Variants in CDH22 observed in about 807,000 individuals in gnomAD.
CDH22 encodes cadherin-22.
In CDH22, 30 loss-of-function variants were observed where a neutral mutation model predicts 58.4. The observed-to-expected ratio is 0.51, with a 90% CI of 0.38 to 0.70. CDH22 has a LOEUF of 0.70. CDH22 is among the 30% of genes least tolerant of loss of function. The pLI is 0.00. For missense variants in CDH22, 1,014 were observed against 1,233.9 expected (o/e 0.82, Z 2.67); for synonymous variants, 513 against 558.2 (o/e 0.92, Z 1.14).
chr20:46,185,434 T>C (rs1228383437), intron 10 of CDH22, among the ~76,000 whole-genome samples: 2 of 152,024 alleles, frequency 1.3e-5, no homozygotes, highest in Non-Finnish European at 2.9e-5. Flanking sequence ...TGGGGTTGGG[T>C]TGAATCCTAC....
intron 11 of CDH22, among the ~76,000 whole-genome samples, chr20:46,175,616 C>T (rs934040909): frequency 4.6e-5 from 7 of 152,344 alleles, no homozygotes; most frequent in Non-Finnish European, 1.0e-4. Context: ...GGCCAGGTTC[C>T]ATGCCTTCCC....
Position 46,247,425 on chromosome 20 carries a change from A to G in CDH22, c.255+3615T>C, listed in dbSNP as rs548161182. On this transcript the variant is annotated intron_variant, in intron 2 of 11. Coordinates refer to ENST00000537909, the MANE Select transcript of CDH22 (RefSeq NM_021248.3). ...AACCCAGGATCAAAAACATTCAGAA[A>G]CAAAATTGGGTCTGTACTGAATGTG... 4.0e-4 allele frequency among the ~76,000 whole-genome samples: 61 copies of G among 152,272 alleles called. 1 individual carries two copies. Among genetic ancestry groups the G allele is most frequent in the African/African-American group, 1.4e-3 (60 of 41,546 alleles).
At chr20:46,220,318 C>G (rs1193872005) in intron 4 of CDH22, 1 of 140,820 alleles carries the variant, frequency 7.1e-6, no homozygotes, top group East Asian at 2.1e-4. Flanking sequence ...GAAAAATGGG[C>G]AAAGAACAAC....
At chr20:46,220,600 G>A (rs150603995) in intron 4 of CDH22, 17 of 152,532 alleles carry the variant, frequency 1.1e-4, no homozygotes, top group African/African-American at 3.6e-4. Context: ...GTGTATCTAT[G>A]GGCTTGGGCA....
chr20:46,193,557 T>C (rs1479770421), intron 8 of CDH22, among the ~76,000 whole-genome samples: 2 of 152,146 alleles, frequency 1.3e-5, no homozygotes, highest in African/African-American at 4.8e-5. Context: ...CAAAGACCTG[T>C]GCTGGCTCCC....
At chr20:46,175,280 A>T (rs2085730439) in intron 11 of CDH22, among the ~76,000 whole-genome samples, 1 of 152,078 alleles carries the variant, frequency 6.6e-6, no homozygotes, top group Non-Finnish European at 1.5e-5. Flanking sequence ...TGAGCTACCC[A>T]TCTCGGGAGG....
At chr20:46,254,199 T>C (rs56305126) in intron 1 of CDH22, among the ~76,000 whole-genome samples, 4,514 of 152,286 alleles carry the variant, frequency 0.03, 98 homozygotes, top group Middle Eastern at 0.065. Context: ...TTTCCACAAA[T>C]GTTTACCAGC....
At position 46,174,664 on chromosome 20, in the gene CDH22, C is replaced by G; in HGVS notation, c.2329G>C (p.Gly777Arg). 1 of 1,558,232 alleles carries G rather than the reference C, an allele frequency of 6.4e-7. No homozygotes were observed. The highest frequency in any genetic ancestry group is 8.6e-7 in the Non-Finnish European group (1 of 1,158,994). The change falls in exon 12 of 12, where the codon GGC becomes CGC. Residue 777 changes from glycine (G) to arginine (R), a missense_variant. This residue lies in a region of CDH22 where 208 missense variants were observed against 195.2 expected (regional missense o/e 1.07). Coordinates refer to ENST00000537909, the MANE Select transcript of CDH22 (RefSeq NM_021248.3). This position sits in a 1 kb window ranked among gnomAD's most constrained non-coding sequence, Gnocchi z 4.4. ...AGCGAGGCGGCCGGCGAGTCCGCGC[C>G]CTCGAAGGCGTAGGTCTGGAAGGCG... ...YDAFQTYAFEGADSPAASLSS... is the reference protein window; with the variant it reads ...YDAFQTYAFERADSPAASLSS...
intron 1 of CDH22, among the ~76,000 whole-genome samples, chr20:46,254,110 T>C (rs2086394553): frequency 6.6e-6 from 1 of 152,236 alleles, no homozygotes; most frequent in African/African-American, 2.4e-5. Flanking sequence ...TCGCTTTCTG[T>C]TTAAGACAGC....
intron 3 of CDH22, among the ~76,000 whole-genome samples, chr20:46,233,265 T>G (rs1031637084): frequency 2.0e-5 from 3 of 152,156 alleles, no homozygotes; most frequent in Non-Finnish European, 2.9e-5. Flanking sequence ...TTTTCTTTCC[T>G]TATGGATCCC....
At chr20:46,268,546 C>T (rs1425754280) in intron 1 of CDH22, among the ~76,000 whole-genome samples, 1 of 152,248 alleles carries the variant, frequency 6.6e-6, no homozygotes, top group Non-Finnish European at 1.5e-5. Context: ...CTCCCTCCCA[C>T]CACCCCGGGC....
intron 7 of CDH22, among the ~76,000 whole-genome samples, chr20:46,205,829 T>C (rs1412145326): frequency 6.6e-6 from 1 of 152,212 alleles, no homozygotes; most frequent in Non-Finnish European, 1.5e-5. Flanking sequence ...CTTGTCCAGC[T>C]GGTCTCGCTG....
At chr20:46,190,325 C>T (rs967990068) in intron 8 of CDH22, among the ~76,000 whole-genome samples, 10 of 152,196 alleles carry the variant, frequency 6.6e-5, no homozygotes, top group Non-Finnish European at 1.2e-4. Context: ...ACAGCCCTAG[C>T]GGAGTCAGCA....
chr20:46,257,684 C>T (rs536935801), intron 1 of CDH22, among the ~76,000 whole-genome samples: 18 of 152,304 alleles, frequency 1.2e-4, no homozygotes, highest in South Asian at 4.1e-4. Context: ...AGCAGAGATA[C>T]GGAGCAGGCT....
At chr20:46,286,024 C>T (rs573824186) in intron 1 of CDH22, among the ~76,000 whole-genome samples, 10 of 152,236 alleles carry the variant, frequency 6.6e-5, no homozygotes, top group African/African-American at 1.4e-4. Context: ...TGTAGATTCT[C>T]GATAAACATT....
intron 2 of CDH22, among the ~76,000 whole-genome samples, chr20:46,247,486 A>G (rs985730609): frequency 2.0e-5 from 3 of 152,216 alleles, no homozygotes; most frequent in Non-Finnish European, 1.5e-5. Flanking sequence ...CAAACAATAT[A>G]GTATAACAAC....
At position 46,194,761 on chromosome 20, in the gene CDH22, G is replaced by T. The variant is rs1037462896; in HGVS notation, c.1423+4662C>A. Among the ~76,000 whole-genome samples, 3 of 152,082 alleles carry T rather than the reference G, an allele frequency of 2.0e-5. No individual in the cohort carries two copies. In the East Asian group the frequency reaches 5.8e-4, roughly 29 times the overall value. ...TAATTATTTTTTGAGATGGAGTCTC[G>T]GTCTGTCTCCCAGGCTGGAGTGCAG... On this transcript the variant is annotated intron_variant, in intron 8 of 11. Transcript: ENST00000537909.
chr20:46,270,178 C>G (rs995093359), intron 1 of CDH22, among the ~76,000 whole-genome samples: 1 of 152,144 alleles, frequency 6.6e-6, no homozygotes, highest in African/African-American at 2.4e-5. Flanking sequence ...ATAGCCAGCC[C>G]GAGCACCTTG....
intron 10 of CDH22, among the ~76,000 whole-genome samples, chr20:46,184,087 C>A (rs995282283): frequency 2.6e-5 from 4 of 151,428 alleles, no homozygotes; most frequent in South Asian, 4.2e-4. Context: ...CTCCTCTTAC[C>A]CTGCTTTCTC....
Sources: allele counts gnomAD v4.1 joint callset (sites outside exome capture counted in the v4.1 genomes callset), GRCh38; gene constraint gnomAD v4.1.1; regional missense constraint gnomAD v4.1.1; non-coding constraint Gnocchi (gnomAD v3.1); transcripts MANE v1.5; gene names NCBI Gene and HGNC (gene_info 2026-07-23, HGNC 2026-07-21).